BABAM2: variants seen among roughly 807,000 people sequenced by gnomAD.
The protein encoded by BABAM2 is BRISC and BRCA1 A complex member 2.
Under a neutral mutation model 54.7 loss-of-function variants are expected in BABAM2, and 31 were observed. That is an observed-to-expected ratio of 0.57 (90% confidence interval 0.43 to 0.77). The LOEUF (loss-of-function observed/expected upper bound fraction) is 0.77, where lower values mean the gene tolerates loss of function less well. Ranked by LOEUF, BABAM2 falls within the 30% of genes least tolerant of loss-of-function variation. The pLI is 0.00. For missense variants in BABAM2, 364 were observed against 455.8 expected, an observed-to-expected ratio of 0.80 and a Z score of 1.83; for synonymous variants, 167 against 162.9, an observed-to-expected ratio of 1.03 and a Z score of -0.19.
chr2:28,029,577 A>G (rs1022066512), intron 5 of BABAM2, among the ~76,000 whole-genome samples: 2 of 152,116 alleles, frequency 1.3e-5, no homozygotes, highest in African/African-American at 2.4e-5. Context: ...TGTATTTACC[A>G]TATTTTACTT....
At chr2:28,263,524 G>A (rs918534925) in intron 10 of BABAM2, among the ~76,000 whole-genome samples, 2 of 152,242 alleles carry the variant, frequency 1.3e-5, no homozygotes, top group African/African-American at 4.8e-5. Flanking sequence ...ATAGGCTACT[G>A]ACCTCTTCAG....
intron 4 of BABAM2, among the ~76,000 whole-genome samples, chr2:28,002,751 G>A (rs1411671386): frequency 6.6e-6 from 1 of 152,150 alleles, no homozygotes. Flanking sequence ...ATACAGTTTA[G>A]TGATATATTT....
chr2:27,924,345 G>A (rs1667527285), intron 2 of BABAM2, among the ~76,000 whole-genome samples: 1 of 151,910 alleles, frequency 6.6e-6, no homozygotes, highest in Admixed American at 6.6e-5. Context: ...GGGGCCAAGA[G>A]TCAAACTCCT....
chr2:28,123,557 A>T (rs1317736081), intron 6 of BABAM2, among the ~76,000 whole-genome samples: 2 of 152,176 alleles, frequency 1.3e-5, no homozygotes, highest in Non-Finnish European at 2.9e-5. Flanking sequence ...ATCATCTGTA[A>T]TGTTAGCTTC....
At chr2:27,919,734 G>A (rs908871940) in intron 2 of BABAM2, among the ~76,000 whole-genome samples, 4 of 152,166 alleles carry the variant, frequency 2.6e-5, no homozygotes, top group African/African-American at 9.7e-5. Flanking sequence ...CTAGTTAGCT[G>A]TTAAAAACTG....
At chr2:27,890,059 C>T (rs116426367), upstream of BABAM2, 2,352 of 553,142 alleles carry the variant, frequency 4.3e-3, 48 homozygotes, top group African/African-American at 0.039. The surrounding 1 kb of genome is among the most constrained non-coding windows in gnomAD (Gnocchi z 4.8). Flanking sequence ...ACGTCCCCTC[C>T]CCTGAGATTT....
chr2:27,908,892 C>T (rs763514506), intron 2 of BABAM2, among the ~76,000 whole-genome samples: 13 of 152,124 alleles, frequency 8.5e-5, no homozygotes, highest in Middle Eastern at 3.2e-3. Flanking sequence ...ACATCCTCCT[C>T]AACACCAACA....
At chr2:28,140,057 G>C (rs1295924607) in intron 7 of BABAM2, among the ~76,000 whole-genome samples, 1 of 151,896 alleles carries the variant, frequency 6.6e-6, no homozygotes, top group African/African-American at 2.4e-5. Flanking sequence ...TCACTCATCA[G>C]CTTTATCCAA....
intron 7 of BABAM2, among the ~76,000 whole-genome samples, chr2:28,143,013 A>T (rs1558379222): frequency 6.6e-6 from 1 of 151,978 alleles, no homozygotes; most frequent in Non-Finnish European, 1.5e-5. Context: ...CTTTTTTCAA[A>T]CTCTTTCTTA....
In BABAM2 at chr2:28,338,676, T is replaced by C. The variant is rs1691685065; in HGVS notation, c.*163T>C. On this transcript the variant is annotated 3_prime_UTR_variant, in exon 12 of 12. Coordinates refer to ENST00000379624, the MANE Select transcript of BABAM2 (RefSeq NM_199191.3). ...GCAGCCCCGACTGCTGAAATCCAAC[T>C]TGAGCTGGCTGGTGGTCCCTGGATC... 4.1e-6 allele frequency: 3 copies of C among 728,236 alleles called. No individual in the cohort carries two copies. Among genetic ancestry groups the C allele is most frequent in the Non-Finnish European group, 6.9e-6 (3 of 437,476 alleles). The allele number at this position is 728,236 out of a possible 1,614,324, so 45.1% of individuals were successfully genotyped here. A position where few individuals can be genotyped will look rare whatever the true frequency, so the allele number is the denominator to read the frequency against.
chr2:27,913,851 G>C (rs1052160805), intron 2 of BABAM2, among the ~76,000 whole-genome samples: 1 of 152,180 alleles, frequency 6.6e-6, no homozygotes, highest in African/African-American at 2.4e-5. Context: ...CACTATGCCA[G>C]TGATTTGGGT....
intron 3 of BABAM2, among the ~76,000 whole-genome samples, chr2:27,942,918 C>T (rs1337844061): frequency 1.3e-5 from 2 of 152,020 alleles, no homozygotes; most frequent in African/African-American, 2.4e-5. Flanking sequence ...ATCCTCCACC[C>T]TCAGCCTCCC....
intron 7 of BABAM2, among the ~76,000 whole-genome samples, chr2:28,136,973 T>C (rs1246019597): frequency 6.6e-6 from 1 of 152,238 alleles, no homozygotes; most frequent in Non-Finnish European, 1.5e-5. Context: ...AATATATTGG[T>C]ATATGTGATT....
At chr2:27,954,983 G>A (rs561847274) in intron 3 of BABAM2, among the ~76,000 whole-genome samples, 1 of 152,154 alleles carries the variant, frequency 6.6e-6, no homozygotes, top group Non-Finnish European at 1.5e-5. Flanking sequence ...CCTTCGATGG[G>A]CTTTTAACAC....
chr2:28,114,912 A>G (rs1668477934), intron 6 of BABAM2, among the ~76,000 whole-genome samples: 1 of 152,196 alleles, frequency 6.6e-6, no homozygotes, highest in Non-Finnish European at 1.5e-5. Flanking sequence ...GTGTCTACTA[A>G]GGAAGTCTGC....
At chr2:28,063,709 G>T (rs985508579) in intron 6 of BABAM2, among the ~76,000 whole-genome samples, 1 of 152,136 alleles carries the variant, frequency 6.6e-6, no homozygotes, top group African/African-American at 2.4e-5. Flanking sequence ...AAACTATTTT[G>T]GCTCCAGCTC....
intron 3 of BABAM2, among the ~76,000 whole-genome samples, chr2:27,942,036 GTGTGTGTGTGCT>G (rs1299583082): frequency 6.6e-6 from 1 of 152,168 alleles, no homozygotes; most frequent in Non-Finnish European, 1.5e-5. Context: ...CTGCTTTTGT[GTGTGTGTGTGCT>G]TGTGTGTGTT....
chr2:28,071,123 A>G (rs895282033), intron 6 of BABAM2, among the ~76,000 whole-genome samples: 2 of 152,062 alleles, frequency 1.3e-5, no homozygotes, highest in African/African-American at 2.4e-5. Flanking sequence ...TCCTCCCTCT[A>G]AAAGTAGCCA....
At chr2:28,185,599 C>T (rs190540016) in intron 7 of BABAM2, among the ~76,000 whole-genome samples, 1 of 152,048 alleles carries the variant, frequency 6.6e-6, no homozygotes, top group South Asian at 2.1e-4. Context: ...TATAAGTAAT[C>T]CCCTTGGCCA....
Sources: gnomAD v4.1 joint callset for allele counts (sites outside exome capture counted in the v4.1 genomes callset) on GRCh38, gnomAD v4.1.1 for gene constraint, Gnocchi (gnomAD v3.1) non-coding constraint, MANE v1.5 for transcripts, NCBI Gene and HGNC (gene_info 2026-07-23, HGNC 2026-07-21) for gene names.